UBTF: variants seen among roughly 807,000 people sequenced by gnomAD.
UBTF encodes upstream binding transcription factor.
In UBTF, 8 loss-of-function variants were observed where a neutral mutation model predicts 112.3. The observed-to-expected ratio is 0.07, with a 90% CI of 0.04 to 0.13. The LOEUF (loss-of-function observed/expected upper bound fraction) is 0.13, where lower values mean the gene tolerates loss of function less well. UBTF is among the 10% of genes least tolerant of loss of function. The pLI is 1.00. For synonymous variants in UBTF, 417 were observed against 373.1 expected, an observed-to-expected ratio of 1.12 and a Z score of -1.36; for missense variants, 457 against 982.1, an observed-to-expected ratio of 0.47 and a Z score of 7.15.
intron 5 of UBTF, among the ~76,000 whole-genome samples, chr17:44,213,776 G>A (rs1223442510): frequency 6.6e-6 from 1 of 152,158 alleles, no homozygotes; most frequent in East Asian, 1.9e-4. Flanking sequence ...AGGCATGAGG[G>A]GAGATTGTGT....
chr17:44,208,918 C>A, intron 17 of UBTF: 1 of 359,138 alleles, frequency 2.8e-6, no homozygotes, highest in Admixed American at 3.5e-5. Flanking sequence ...CGGACGGTGG[C>A]TCAAGCCTGT....
At chr17:44,218,787 C>T (rs1408394199) in intron 1 of UBTF, among the ~76,000 whole-genome samples, 1 of 150,688 alleles carries the variant, frequency 6.6e-6, no homozygotes, top group African/African-American at 2.4e-5. Context: ...GGCGGGGACC[C>T]GGACGCAGCG....
At chr17:44,214,731 T>C (rs1037796466) in intron 5 of UBTF, among the ~76,000 whole-genome samples, 1 of 152,182 alleles carries the variant, frequency 6.6e-6, no homozygotes, top group Non-Finnish European at 1.5e-5. Flanking sequence ...ACTCATAGCA[T>C]GGCAGCGGCC....
intron 5 of UBTF, among the ~76,000 whole-genome samples, chr17:44,213,998 C>A (rs1030339087): frequency 2.0e-5 from 3 of 152,090 alleles, no homozygotes; most frequent in African/African-American, 7.2e-5. Context: ...CCCACTCTCA[C>A]CTCACTCCCT....
rs1598209320 is a variant in UBTF, at chr17:44,207,115, T to A, written c.*127A>T. On this transcript the variant is annotated 3_prime_UTR_variant, in exon 21 of 21. Coordinates refer to ENST00000436088, the MANE Select transcript of UBTF (RefSeq NM_014233.4). ...CCCCCACCGTATTTTTTTTTTTTTT[T>A]AAAGAAAGAAAGAAAGTGGGGGAGG... 2.1e-5 allele frequency: 21 copies of A among 1,007,432 alleles called. No individual in the cohort carries two copies. Among genetic ancestry groups the A allele is most frequent in the East Asian group, 5.3e-5 (2 of 37,872 alleles). The allele number at this position is 1,007,432 out of a possible 1,614,324, so 62.4% of individuals were successfully genotyped here. A position where few individuals can be genotyped will look rare whatever the true frequency, so the allele number is the denominator to read the frequency against.
chr17:44,218,064 C>A, intron 2 of UBTF, 108 bp downstream of exon 2: 1 of 1,093,772 alleles, frequency 9.1e-7, no homozygotes, highest in South Asian at 1.3e-5. Flanking sequence ...CTTTCTCCCC[C>A]AGTTCAGTGT....
chr17:44,207,480 C>T lies in UBTF; in HGVS notation c.2143G>A (p.Glu715Lys), dbSNP rs1054670510. The change falls in exon 20 of 21, where the codon GAG (glutamate) becomes AAG (lysine). Residue 715 changes from glutamate to lysine, a missense_variant. Glu to Lys is a moderately conservative substitution (Grantham distance 56). Coordinates refer to ENST00000436088, the MANE Select transcript of UBTF (RefSeq NM_014233.4). The stretch of plus-strand genomic sequence containing the variant: ...TCATCCCCATCCTCGCTCTCGTCCT[C>T]GCTGCTGGACTCAGAGGAGTCGCCG... The part of the protein sequence containing the change: ...DGGDSSESSS[E>K]DESEDGDENE... 1.2e-6 allele frequency: 2 copies of T among 1,614,094 alleles called. No individual in the cohort carries two copies. The highest frequency in any genetic ancestry group is 1.7e-6 in the Non-Finnish European group (2 of 1,180,012).
chr17:44,210,620 C>T, intron 13 of UBTF, 147 bp from the exon 14 acceptor site: 2 of 1,382,000 alleles, frequency 1.4e-6, no homozygotes, highest in Non-Finnish European at 1.9e-6. Context: ...GCCTGGTCTG[C>T]GGCGCTCAGC....
chr17:44,218,089 A>G, intron 2 of UBTF, 83 bp downstream of exon 2: 2 of 1,373,030 alleles, frequency 1.5e-6, no homozygotes, highest in Non-Finnish European at 2.1e-6. Context: ...AGACTGAAAA[A>G]GCCCTTGAAG....
At chr17:44,220,918 TCCGCCCGCCCGC>T (rs547158111), upstream of UBTF, 13 of 138,556 alleles carry the variant, frequency 9.4e-5, no homozygotes, top group Admixed American at 2.8e-4. Flanking sequence ...CCCGCCCCGC[TCCGCCCGCCCGC>T]CCGCCCGCCT....
intron 5 of UBTF, 106 bp from the exon 6 acceptor site, chr17:44,213,388 G>T: frequency 8.0e-7 from 1 of 1,250,546 alleles, no homozygotes; most frequent in Non-Finnish European, 1.1e-6. Context: ...CTCCCACGCT[G>T]TGATGCAGGG....
rs1160926423 is a variant in UBTF, at chr17:44,206,575, C to CA, written c.*666dup. 2.1e-5 allele frequency: 3 copies of CA among 145,698 alleles called. No homozygotes were observed. Among genetic ancestry groups the CA allele is most frequent in the Non-Finnish European group, 3.0e-5 (2 of 66,172 alleles). 9.0% of individuals were successfully genotyped at this position (145,698 alleles called of 1,614,324 possible). A position where few individuals can be genotyped will look rare whatever the true frequency, so the allele number is the denominator to read the frequency against. ...ACCCTCCCTCTCCCAGAAATGACAA[C>CA]AGAGACGGCAGCCGAGATCGGTAGG... On this transcript the variant is annotated 3_prime_UTR_variant, in exon 21 of 21. Coordinates refer to ENST00000436088, the MANE Select transcript of UBTF (RefSeq NM_014233.4).
chr17:44,216,312 T>C, intron 3 of UBTF: 1 of 627,460 alleles, frequency 1.6e-6, no homozygotes, highest in Non-Finnish European at 2.8e-6. Context: ...CTCAGGCTGT[T>C]TGGCTCAAGA....
chr17:44,215,485 G>C, intron 5 of UBTF, 169 bp downstream of exon 5: 1 of 772,654 alleles, frequency 1.3e-6, no homozygotes, highest in East Asian at 2.7e-5. Context: ...GACCATGTGT[G>C]GGCCGAGGAA....
chr17:44,210,842 G>C lies in UBTF; in HGVS notation c.1309C>G (p.Leu437Val), dbSNP rs956926890. The change falls in exon 13 of 21, where the codon CTG (leucine) becomes GTG (valine). Residue 437 changes from leucine (L) to valine (V), a missense_variant. By Grantham distance (32) the Leu-to-Val change is conservative. Around this residue, in one of 7 missense-constraint regions of UBTF, gnomAD observed 108 missense variants for 137.4 expected, o/e 0.79. Transcript: ENST00000436088. The stretch of plus-strand genomic sequence containing the variant: ...CACATTCGGGCCAGCAGGCGGGTCA[G>C]CTCGCTCTCGGAGAGCTCAGGCCGC... Reference protein sequence around the residue: ...EERPELSESELTRLLARMWND... With the variant: ...EERPELSESEVTRLLARMWND... 2.5e-6 allele frequency: 4 copies of C among 1,569,366 alleles called. No homozygotes were observed. The highest frequency in any genetic ancestry group is 3.5e-6 in the Non-Finnish European group (4 of 1,156,946).
rs1241653623 is a variant in UBTF, at chr17:44,205,545, C to CG, written c.*1696_*1697insC. On this transcript the variant is annotated 3_prime_UTR_variant, in exon 21 of 21. Coordinates refer to ENST00000436088, the MANE Select transcript of UBTF (RefSeq NM_014233.4). ...GGAATGGGAGTGGGGAGTGTCCCCCCCAGGCCTCCCCACCCCCAGCACCAA... is the reference window on the plus strand; with the variant it reads ...GGAATGGGAGTGGGGAGTGTCCCCCCGCAGGCCTCCCCACCCCCAGCACCAA... The CG allele has an allele frequency of 6.6e-6, 1 of 152,216 alleles. No individual in the cohort carries two copies. The highest frequency in any genetic ancestry group is 1.5e-5 in the Non-Finnish European group (1 of 68,080). The allele number at this position is 152,216 out of a possible 1,614,324, so 9.4% of individuals were successfully genotyped here. A position where few individuals can be genotyped will look rare whatever the true frequency, so the allele number is the denominator to read the frequency against.
intron 5 of UBTF, 81 bp from the exon 6 acceptor site, chr17:44,213,363 C>A: frequency 1.4e-6 from 2 of 1,450,908 alleles, no homozygotes; most frequent in South Asian, 1.3e-5. Flanking sequence ...GACCCCTCCT[C>A]GCTGGCTCTT....
chr17:44,215,559 GCCA>G, intron 5 of UBTF, 92 bp downstream of exon 5: 3 of 1,494,308 alleles, frequency 2.0e-6, no homozygotes, highest in Non-Finnish European at 2.7e-6. Flanking sequence ...CATCCCTGAT[GCCA>G]GGTTTCTCCA....
Position 44,210,943 on chromosome 17 carries a change from C to A in UBTF, c.1208G>T (p.Gly403Val). 2 of 1,606,148 alleles carry A rather than the reference C, an allele frequency of 1.2e-6. No individual in the cohort carries two copies. Among genetic ancestry groups the A allele is most frequent in the Non-Finnish European group, 1.7e-6 (2 of 1,178,564 alleles). The change falls in exon 13 of 21, where the codon GGC (glycine) becomes GTC (valine). Residue 403 changes from glycine to valine, a missense_variant. Gly to Val is a moderately radical substitution (Grantham distance 109). Coordinates refer to ENST00000436088, the MANE Select transcript of UBTF (RefSeq NM_014233.4). ...KKPAQEGGKG[G>V]SEKPKRPVSA... ...CACGGGCCGCTTGGGCTTCTCGGAGCCGCCCTGTCCAGGTGCAGAGGGTCG... is the reference window on the plus strand; with the variant it reads ...CACGGGCCGCTTGGGCTTCTCGGAGACGCCCTGTCCAGGTGCAGAGGGTCG...
Sources: gnomAD v4.1 joint callset for allele counts (sites outside exome capture counted in the v4.1 genomes callset) on GRCh38, gnomAD v4.1.1 for gene constraint, gnomAD v4.1.1 regional missense constraint, MANE v1.5 for transcripts, NCBI Gene and HGNC (gene_info 2026-07-23, HGNC 2026-07-21) for gene names.